DCC: variants seen among roughly 807,000 people sequenced by gnomAD.
DCC encodes the protein DCC netrin 1 receptor.
A neutral mutation model predicts 172.5 loss-of-function variants in DCC; 58 were observed. The observed-to-expected ratio is 0.34, with a 90% confidence interval of 0.27 to 0.42. The LOEUF (loss-of-function observed/expected upper bound fraction) is 0.42. Ranked by LOEUF, DCC falls within the 10% of genes least tolerant of loss-of-function variation. The pLI, the probability that DCC is intolerant of heterozygous loss-of-function variation, is 1.00. For synonymous variants in DCC, 709 were observed against 644.5 expected, an observed-to-expected ratio of 1.10 and a Z score of -1.52; for missense variants, 1,740 against 1,791.0, an observed-to-expected ratio of 0.97 and a Z score of 0.51.
intron 2 of DCC, among the ~76,000 whole-genome samples, chr18:52,872,736 C>A (rs2039341744): frequency 6.6e-6 from 1 of 152,050 alleles, no homozygotes; most frequent in East Asian, 1.9e-4. Context: ...GTTCCTGGGG[C>A]TAAGAAAACA....
chr18:52,792,789 C>CAGTTGATTCA (rs2145208929), intron 2 of DCC, among the ~76,000 whole-genome samples: 1 of 151,948 alleles, frequency 6.6e-6, no homozygotes, highest in African/African-American at 2.4e-5. Context: ...CATTCCATTC[C>CAGTTGATTCA]ATTCCATTCC....
chr18:53,093,299 A>C (rs189802054), intron 7 of DCC, among the ~76,000 whole-genome samples: 1 of 152,302 alleles, frequency 6.6e-6, no homozygotes, highest in Admixed American at 6.5e-5. Context: ...TTAATATAAA[A>C]TAAATAATAA....
intron 27 of DCC, among the ~76,000 whole-genome samples, chr18:53,518,567 C>G (rs1015629573): frequency 6.6e-6 from 1 of 152,122 alleles, no homozygotes; most frequent in Admixed American, 6.5e-5. Context: ...GCTGAGGCTG[C>G]TCTTCTGCAC....
intron 1 of DCC, among the ~76,000 whole-genome samples, chr18:52,572,250 T>A (rs1420807861): frequency 6.6e-6 from 1 of 151,946 alleles, no homozygotes; most frequent in African/African-American, 2.4e-5. Context: ...GATATAAATA[T>A]CCCCCTCGTC....
chr18:52,568,787 C>T (rs911696021), intron 1 of DCC, among the ~76,000 whole-genome samples: 16 of 152,092 alleles, frequency 1.1e-4, no homozygotes, highest in African/African-American at 3.9e-4. Flanking sequence ...GGTGTGGTCT[C>T]TGCAACTATA....
At chr18:53,174,875 AAAG>A (rs2055066916) in intron 8 of DCC, among the ~76,000 whole-genome samples, 1 of 152,172 alleles carries the variant, frequency 6.6e-6, no homozygotes, top group African/African-American at 2.4e-5. Context: ...CACAACAAAA[AAAG>A]AGAATTTTAG....
At chr18:53,416,403 GCTT>G in intron 21 of DCC, 1 of 657,508 alleles carries the variant, frequency 1.5e-6, no homozygotes, top group Non-Finnish European at 2.8e-6. Context: ...AAAATGTCAA[GCTT>G]CTTTGTATGA....
chr18:53,509,364 G>A lies in DCC; in HGVS notation c.4111+9854G>A, dbSNP rs184041932. The stretch of plus-strand genomic sequence containing the variant: ...TTGAGATATAAATATTAACTTCTAA[G>A]CTCAGCATGGACATGGCTATCAAAA... On this transcript the variant is annotated intron_variant, in intron 27 of 28. Transcript: ENST00000442544. 1.6e-3 allele frequency among the ~76,000 whole-genome samples: 240 copies of A among 152,292 alleles called. 4 individuals are homozygous for A. Among genetic ancestry groups the A allele is most frequent in the Middle Eastern group, 6.8e-3 (2 of 294 alleles).
chr18:53,226,535 T>C (rs1411238954), intron 12 of DCC, among the ~76,000 whole-genome samples: 1 of 152,112 alleles, frequency 6.6e-6, no homozygotes, highest in East Asian at 1.9e-4. Flanking sequence ...TAAACTTCAG[T>C]AGACAACCTT....
chr18:52,776,625 G>C (rs1049225252), intron 2 of DCC, among the ~76,000 whole-genome samples: 3 of 152,102 alleles, frequency 2.0e-5, no homozygotes, highest in African/African-American at 7.2e-5. Context: ...GGTTGCAGGA[G>C]GTGGGGATGG....
chr18:53,185,304 G>T (rs1461986865), intron 9 of DCC, among the ~76,000 whole-genome samples: 1 of 152,100 alleles, frequency 6.6e-6, no homozygotes, highest in African/African-American at 2.4e-5. Flanking sequence ...GGCTTGAGAT[G>T]ATGGGTTGTT....
chr18:53,507,624 A>G (rs1568176021), intron 27 of DCC, among the ~76,000 whole-genome samples: 2 of 152,294 alleles, frequency 1.3e-5, no homozygotes, highest in South Asian at 4.1e-4. Flanking sequence ...CTTCTGTGGT[A>G]AAAGGGATTC....
chr18:52,878,906 G>T (rs1483793114), intron 2 of DCC, among the ~76,000 whole-genome samples: 6 of 152,166 alleles, frequency 3.9e-5, no homozygotes, highest in Admixed American at 2.6e-4. Flanking sequence ...ACTTCCATGG[G>T]TGTAGAACTT....
intron 1 of DCC, among the ~76,000 whole-genome samples, chr18:52,476,493 G>A (rs560272991): frequency 1.3e-5 from 2 of 152,166 alleles, no homozygotes; most frequent in East Asian, 1.9e-4. Flanking sequence ...TGTATAATCT[G>A]TCATATAATA....
At chr18:53,126,002 A>G (rs1258688819) in intron 7 of DCC, among the ~76,000 whole-genome samples, 5 of 152,130 alleles carry the variant, frequency 3.3e-5, no homozygotes, top group Non-Finnish European at 7.4e-5. Flanking sequence ...TTGCGTGAGG[A>G]TATGTGAATT....
intron 22 of DCC, among the ~76,000 whole-genome samples, chr18:53,437,610 A>T (rs1055309295): frequency 4.9e-5 from 7 of 142,628 alleles, no homozygotes; most frequent in South Asian, 2.2e-4. Context: ...AAAAAAAAAA[A>T]GCTCACAGAA....
intron 1 of DCC, among the ~76,000 whole-genome samples, chr18:52,660,276 G>A (rs1280950715): frequency 1.3e-5 from 2 of 152,052 alleles, no homozygotes; most frequent in African/African-American, 4.8e-5. Flanking sequence ...CATTCCACAG[G>A]AAGACTGCTT....
chr18:53,366,728 A>G (rs1268096338), intron 15 of DCC, among the ~76,000 whole-genome samples: 2 of 152,162 alleles, frequency 1.3e-5, no homozygotes, highest in African/African-American at 4.8e-5. Context: ...CCAGCTAAAA[A>G]TGGGTTTCAT....
At chr18:52,647,815 G>A (rs545150134) in intron 1 of DCC, among the ~76,000 whole-genome samples, 6 of 152,276 alleles carry the variant, frequency 3.9e-5, no homozygotes, top group East Asian at 1.9e-4. Flanking sequence ...CTACTGCTAC[G>A]TTCAAGGGAT....
Sources: gnomAD v4.1 joint callset for allele counts (sites outside exome capture counted in the v4.1 genomes callset) on GRCh38, gnomAD v4.1.1 for gene constraint, MANE v1.5 for transcripts, NCBI Gene and HGNC (gene_info 2026-07-23, HGNC 2026-07-21) for gene names.